MRPS28: variants seen among roughly 807,000 people sequenced by gnomAD.
The protein encoded by MRPS28 is mitochondrial ribosomal protein S28, also known as small ribosomal subunit protein bS1m.
MRPS28 carries 7 observed loss-of-function variants against 10.8 expected under a neutral mutation model. The observed-to-expected ratio is 0.65, with a 90% CI of 0.37 to 1.22. The LOEUF (loss-of-function observed/expected upper bound fraction) is 1.22. Among genes scored for constraint, MRPS28 ranks in the 50% most tolerant of loss-of-function variants. The pLI, the probability that MRPS28 is intolerant of heterozygous loss-of-function variation, is 0.02. For synonymous variants in MRPS28, 121 were observed against 93.3 expected (o/e 1.30, Z -1.71); for missense variants, 265 against 232.9 (o/e 1.14, Z -0.90).
At chr8:79,986,516 C>T (rs1388234813) in intron 2 of MRPS28, among the ~76,000 whole-genome samples, 2 of 152,164 alleles carry the variant, frequency 1.3e-5, no homozygotes, top group Non-Finnish European at 2.9e-5. Flanking sequence ...GATTGTATAT[C>T]TAGAAAACCC....
chr8:79,982,407 T>G (rs980722279), intron 2 of MRPS28, among the ~76,000 whole-genome samples: 15 of 152,162 alleles, frequency 9.9e-5, no homozygotes, highest in African/African-American at 2.7e-4. Flanking sequence ...TGCCAGACAG[T>G]GGGCGCAGGA....
At chr8:79,967,770 A>C (rs935660690) in intron 2 of MRPS28, among the ~76,000 whole-genome samples, 4 of 152,020 alleles carry the variant, frequency 2.6e-5, no homozygotes, top group Non-Finnish European at 5.9e-5. Context: ...GTAGCAAAAG[A>C]CTGTACAGCA....
intron 2 of MRPS28, among the ~76,000 whole-genome samples, chr8:79,981,744 G>C (rs1296691126): frequency 6.6e-6 from 1 of 152,146 alleles, no homozygotes; most frequent in Non-Finnish European, 1.5e-5. Context: ...ACTACTATAA[G>C]TAGATATAAA....
chr8:80,001,913 A>G (rs1808668747), intron 2 of MRPS28, among the ~76,000 whole-genome samples: 1 of 151,876 alleles, frequency 6.6e-6, no homozygotes, highest in Admixed American at 6.6e-5. Context: ...GTGACTTGAC[A>G]TTGGCCATGC....
At chr8:80,029,812 G>C (rs761641837) in intron 1 of MRPS28, 20 of 1,528,692 alleles carry the variant, frequency 1.3e-5, no homozygotes, top group Non-Finnish European at 1.7e-5. Flanking sequence ...GGACAGACCC[G>C]GCCCAGTACG....
intron 2 of MRPS28, among the ~76,000 whole-genome samples, chr8:79,994,027 G>A (rs994425225): frequency 1.4e-4 from 22 of 152,162 alleles, no homozygotes; most frequent in African/African-American, 5.1e-4. Context: ...TTTCAGAGCT[G>A]TCAATCCTGT....
chr8:79,946,197 C>T (rs1406241545), intron 2 of MRPS28, among the ~76,000 whole-genome samples: 1 of 152,064 alleles, frequency 6.6e-6, no homozygotes, highest in Non-Finnish European at 1.5e-5. Context: ...ATGTCACTGC[C>T]CAAAGCTAAA....
intron 2 of MRPS28, among the ~76,000 whole-genome samples, chr8:79,974,002 C>T (rs953893644): frequency 1.3e-5 from 2 of 152,086 alleles, no homozygotes; most frequent in Non-Finnish European, 2.9e-5. Flanking sequence ...TCCTCGGCCT[C>T]ACAAAGTGTT....
chr8:79,927,396 A>G lies in MRPS28; in HGVS notation c.396-8248T>C, dbSNP rs144504198. Among the ~76,000 whole-genome samples the G allele has an allele frequency of 2.3e-3, 356 of 152,322 alleles. 4 individuals are homozygous for G. The highest frequency in any genetic ancestry group is 7.9e-3 in the African/African-American group (327 of 41,574). ...ATTTCCTCATCCCTAAAATGTCCTT[A>G]ATAATGTCCTTCCATGGTAAAACCT... On this transcript the variant is annotated intron_variant, in intron 2 of 2. Coordinates refer to ENST00000276585, the MANE Select transcript of MRPS28 (RefSeq NM_014018.3).
At chr8:79,936,344 A>G (rs573450537) in intron 2 of MRPS28, among the ~76,000 whole-genome samples, 11 of 152,196 alleles carry the variant, frequency 7.2e-5, no homozygotes, top group South Asian at 4.1e-4. Flanking sequence ...AATAAAAAAT[A>G]AGATAAAAAT....
chr8:79,919,353 A>C (rs1417454801), intron 2 of MRPS28, among the ~76,000 whole-genome samples: 1 of 150,282 alleles, frequency 6.7e-6, no homozygotes, highest in African/African-American at 2.4e-5. Context: ...TTGTTTTGAA[A>C]AAAAAAAAAA....
chr8:79,919,035 A>G lies in MRPS28; in HGVS notation c.509T>C (p.Leu170Ser). 3 of 1,600,218 alleles carry G rather than the reference A, an allele frequency of 1.9e-6. No individual in the cohort carries two copies. Among genetic ancestry groups the G allele is most frequent in the Non-Finnish European group, 2.6e-6 (3 of 1,174,614 alleles). The change falls in exon 3 of 3, where the codon TTG (leucine) becomes TCG (serine). Residue 170 changes from leucine to serine, a missense_variant. Physicochemically the swap from Leu to Ser is moderately radical, Grantham distance 145. Coordinates refer to ENST00000276585, the MANE Select transcript of MRPS28 (RefSeq NM_014018.3). Reference protein sequence around the residue: ...TTVLEANAVLLGIQESKDSRS... With the variant: ...TTVLEANAVLSGIQESKDSRS... ...TGAGTCTTTACTCTCCTGGATTCCC[A>G]AGAGAACTGCATTAGCCTCTAGTAC...
At chr8:79,972,704 CG>C (rs1461113990) in intron 2 of MRPS28, among the ~76,000 whole-genome samples, 1 of 152,138 alleles carries the variant, frequency 6.6e-6, no homozygotes, top group Non-Finnish European at 1.5e-5. Flanking sequence ...TATTGACACA[CG>C]TTTTTTAAAA....
At chr8:79,945,100 A>T (rs960104333) in intron 2 of MRPS28, among the ~76,000 whole-genome samples, 1 of 152,208 alleles carries the variant, frequency 6.6e-6, no homozygotes, top group African/African-American at 2.4e-5. Flanking sequence ...ATAGGAACAT[A>T]TGACTTTACA....
chr8:79,983,811 A>C (rs1808057877), intron 2 of MRPS28, among the ~76,000 whole-genome samples: 1 of 152,368 alleles, frequency 6.6e-6, no homozygotes, highest in Non-Finnish European at 1.5e-5. Context: ...GTGTACCTGA[A>C]AGTGACGGGG....
intron 1 of MRPS28, among the ~76,000 whole-genome samples, chr8:80,004,882 A>T (rs1808782736): frequency 6.6e-6 from 1 of 152,258 alleles, no homozygotes; most frequent in African/African-American, 2.4e-5. Context: ...AAGAAAGGGT[A>T]TCAGTGATTG....
chr8:79,950,506 T>A (rs1166310921), intron 2 of MRPS28, among the ~76,000 whole-genome samples: 2 of 152,154 alleles, frequency 1.3e-5, no homozygotes, highest in South Asian at 2.1e-4. Context: ...ATTCTTTCAA[T>A]GATGTAGGTA....
intron 2 of MRPS28, among the ~76,000 whole-genome samples, chr8:79,953,187 C>A (rs1027990467): frequency 1.3e-5 from 2 of 152,116 alleles, no homozygotes; most frequent in Non-Finnish European, 2.9e-5. Flanking sequence ...CGTTTTCTCT[C>A]TTTTTTAAAA....
Position 79,927,369 on chromosome 8 carries a change from T to C in MRPS28, c.396-8221A>G, listed in dbSNP as rs753670738. ...CTGCTTGATGGCAAATGTTATTTCCTGATTTCCTCATCCCTAAAATGTCCT... is the reference window on the plus strand; with the variant it reads ...CTGCTTGATGGCAAATGTTATTTCCCGATTTCCTCATCCCTAAAATGTCCT... On this transcript the variant is annotated intron_variant, in intron 2 of 2. Transcript: ENST00000276585. Among the ~76,000 whole-genome samples, 9 of 152,338 alleles carry C rather than the reference T, an allele frequency of 5.9e-5. No homozygotes were observed. In the South Asian group the frequency reaches 6.2e-4, roughly 11 times the overall value.
Sources: gnomAD v4.1 joint callset for allele counts (sites outside exome capture counted in the v4.1 genomes callset) on GRCh38, gnomAD v4.1.1 for gene constraint, MANE v1.5 for transcripts, NCBI Gene and HGNC (gene_info 2026-07-23, HGNC 2026-07-21) for gene names.